The following APOL5 variants were observed in gnomAD, a reference collection of about 807,000 sequenced individuals.
APOL5 encodes the protein apolipoprotein L, 5.
In APOL5, 29 loss-of-function variants were observed where a neutral mutation model predicts 35.5. The observed-to-expected ratio is 0.82, with a 90% CI of 0.61 to 1.11. The LOEUF (loss-of-function observed/expected upper bound fraction) is 1.11. Ranked by LOEUF, APOL5 falls within the 50% of genes most tolerant of loss-of-function variation. APOL5 has a pLI of 0.00. For missense variants in APOL5, 514 were observed against 530.4 expected, an observed-to-expected ratio of 0.97 and a Z score of 0.30; for synonymous variants, 188 against 200.2, an observed-to-expected ratio of 0.94 and a Z score of 0.51.
chr22:35,711,187 C>A, the APOL5 span, among the ~76,000 whole-genome samples: 93 of 152,076 alleles, frequency 6.1e-4, no homozygotes, highest in East Asian at 7.8e-4. Flanking sequence ...ACAACAACAA[C>A]AAAAAAAGCA....
chr22:35,721,437 G>T (rs151292666), intron 2 of APOL5, among the ~76,000 whole-genome samples: 3 of 152,044 alleles, frequency 2.0e-5, no homozygotes, highest in Non-Finnish European at 4.4e-5. Context: ...CAGCTACATG[G>T]GAGGCTGAGG....
intron 4 of APOL5, 38 bp downstream of exon 4, chr22:35,728,942 C>T (rs1927274444): frequency 6.5e-7 from 1 of 1,536,696 alleles, no homozygotes; most frequent in Non-Finnish European, 8.7e-7. Flanking sequence ...CTGTGGGAAC[C>T]CCTGACAGTG....
At chr22:35,720,472 T>C in intron 1 of APOL5, 96 bp from the exon 2 acceptor site, 1 of 956,240 alleles carries the variant, frequency 1.0e-6, no homozygotes, top group Non-Finnish European at 1.6e-6. Flanking sequence ...TTCTCCAATA[T>C]TGTAATTAGA....
At chr22:35,712,754 G>A in the APOL5 span, among the ~76,000 whole-genome samples, 2 of 152,136 alleles carry the variant, frequency 1.3e-5, no homozygotes. Context: ...TGTGTTCTAG[G>A]CTAGCAGAAC....
intron 1 of APOL5, 101 bp downstream of exon 1, chr22:35,718,027 A>C: frequency 1.1e-6 from 1 of 902,976 alleles, no homozygotes; most frequent in Non-Finnish European, 1.6e-6. Context: ...TACCCACCAT[A>C]TGCTATTGCT....
intron 2 of APOL5, among the ~76,000 whole-genome samples, chr22:35,725,689 G>A (rs1394800169): frequency 6.6e-6 from 1 of 152,120 alleles, no homozygotes; most frequent in African/African-American, 2.4e-5. Context: ...CCTGGGTAGA[G>A]GCCACAAGAC....
rs780292935 is a variant in APOL5 at position 35,726,923 on chromosome 22, G to A, written c.855G>A (p.Leu285=). Residue 285 remains leucine (L), a synonymous_variant, in exon 3 of 5, where the codon CTG becomes CTA. Coordinates refer to ENST00000249044, the MANE Select transcript of APOL5 (RefSeq NM_030642.1). ...AGAGAGCCTTTGAGGGCACAACTCT[G>A]GCCATGACCAATGGTGCCTGGGTGA... The part of the protein sequence containing the change: ...GVQRAFEGTT[L]AMTNGAWVMG... 3 of 1,614,200 alleles carry A rather than the reference G, an allele frequency of 1.9e-6. No individual in the cohort carries two copies. Among genetic ancestry groups the A allele is most frequent in the Non-Finnish European group, 2.5e-6 (3 of 1,180,038 alleles).
intron 2 of APOL5, among the ~76,000 whole-genome samples, chr22:35,722,580 C>G (rs1927009435): frequency 6.6e-6 from 1 of 152,204 alleles, no homozygotes; most frequent in Admixed American, 6.5e-5. Flanking sequence ...GGATTACAGG[C>G]ATGAGCCACT....
At chr22:35,716,029 T>A (rs1194389532), upstream of APOL5, among the ~76,000 whole-genome samples, 1 of 152,176 alleles carries the variant, frequency 6.6e-6, no homozygotes, top group Non-Finnish European at 1.5e-5. Context: ...AGTAATTTTC[T>A]ACATCCAAGA....
intron 3 of APOL5, 29 bp downstream of exon 3, chr22:35,727,223 G>A: frequency 1.3e-6 from 2 of 1,571,598 alleles, no homozygotes; most frequent in Non-Finnish European, 1.7e-6. Context: ...ACACGGACGT[G>A]GTCTTGCTCT....
rs377279961 is a variant in APOL5 at position 35,723,770 on chromosome 22, T to C, written c.143-2441T>C. 1.3e-4 allele frequency among the ~76,000 whole-genome samples: 20 copies of C among 152,356 alleles called. 1 individual carries two copies. The highest frequency in any genetic ancestry group is 4.8e-4 in the African/African-American group (20 of 41,596). On this transcript the variant is annotated intron_variant, in intron 2 of 4. Transcript: ENST00000249044. ...TGAGGTCAGGAGTTGGAGAGCAGCC[T>C]GGCCAACATGGCAAAACCCTGTCGC...
At chr22:35,718,548 C>T (rs566513326) in intron 1 of APOL5, among the ~76,000 whole-genome samples, 22 of 138,936 alleles carry the variant, frequency 1.6e-4, no homozygotes, top group Admixed American at 7.0e-4. Flanking sequence ...ACTGGGAGAT[C>T]GCGCCATTGC....
chr22:35,717,857 T>A (rs756482337), upstream of APOL5: 4 of 1,554,004 alleles, frequency 2.6e-6, no homozygotes, highest in African/African-American at 1.4e-5. Context: ...GCTTAAATTT[T>A]AAAAAATCTA....
chr22:35,718,877 G>A (rs1246375728), intron 1 of APOL5, among the ~76,000 whole-genome samples: 1 of 152,044 alleles, frequency 6.6e-6, no homozygotes. Context: ...GGCCAACATG[G>A]TGAAACCCCC....
chr22:35,711,272 A>G, the APOL5 span, among the ~76,000 whole-genome samples: 2 of 151,094 alleles, frequency 1.3e-5, no homozygotes, highest in African/African-American at 5.0e-5. Flanking sequence ...CCTTTTGGTC[A>G]TCCATTCATC....
At chr22:35,714,118 C>T (rs1265403118), upstream of APOL5, among the ~76,000 whole-genome samples, 1 of 152,072 alleles carries the variant, frequency 6.6e-6, no homozygotes, top group East Asian at 1.9e-4. Context: ...TTAAGACCAG[C>T]TTGGCCAACA....
the APOL5 span, among the ~76,000 whole-genome samples, chr22:35,711,180 A>G: frequency 6.6e-6 from 1 of 152,174 alleles, no homozygotes; most frequent in East Asian, 1.9e-4. Flanking sequence ...TCAAACAACA[A>G]CAACAACAAA....
chr22:35,725,435 A>G (rs1927114553), intron 2 of APOL5, among the ~76,000 whole-genome samples: 1 of 152,030 alleles, frequency 6.6e-6, no homozygotes, highest in Admixed American at 6.5e-5. Context: ...TTGTATTTTT[A>G]GTAGAGATGG....
chr22:35,713,491 C>T (rs1210464816), upstream of APOL5, among the ~76,000 whole-genome samples: 1 of 152,174 alleles, frequency 6.6e-6, no homozygotes, highest in East Asian at 1.9e-4. Context: ...GCTCTTCTCC[C>T]CTCTAAGCTC....
Sources: allele counts gnomAD v4.1 joint callset (sites outside exome capture counted in the v4.1 genomes callset), GRCh38; gene constraint gnomAD v4.1.1; transcripts MANE v1.5; gene names NCBI Gene and HGNC (gene_info 2026-07-23, HGNC 2026-07-21).